NBAS: variants seen among roughly 807,000 people sequenced by gnomAD.
NBAS encodes NAG/BC035112 fusion.
In NBAS, 219 loss-of-function variants were observed where a neutral mutation model predicts 302.5. That is an observed-to-expected ratio of 0.72 (90% CI 0.65 to 0.81). NBAS has a LOEUF of 0.81. Ranked by LOEUF, NBAS falls within the 30% of genes least tolerant of loss-of-function variation. The pLI is 0.00. For synonymous variants in NBAS, 1,118 were observed against 1,021.6 expected (o/e 1.09, Z -1.80); for missense variants, 2,932 against 2,841.6 (o/e 1.03, Z -0.72).
In NBAS at chr2:15,399,270, T is replaced by C. The variant is rs77515174; in HGVS notation, c.3072-2795A>G. 6.7e-3 allele frequency among the ~76,000 whole-genome samples: 1,017 copies of C among 152,038 alleles called. 10 individuals are homozygous for C. The highest frequency in any genetic ancestry group is 0.022 in the African/African-American group (927 of 41,470). On this transcript the variant is annotated intron_variant, in intron 26 of 51. Coordinates refer to ENST00000281513, the MANE Select transcript of NBAS (RefSeq NM_015909.4). ...AGATATGAAGCTGACAGAGGAATCA[T>C]AAGGTTCCCACAGAGCCCAGCAAGG... is the stretch of plus-strand genomic sequence containing the variant.
chr2:15,472,587 CA>C (rs1376293874), intron 16 of NBAS, among the ~76,000 whole-genome samples: 10 of 152,164 alleles, frequency 6.6e-5, no homozygotes, highest in African/African-American at 2.4e-4. Context: ...TGGCCCCCCC[CA>C]GAAGCAGGCG....
chr2:15,052,861 T>A, the NBAS span, among the ~76,000 whole-genome samples: 2 of 152,188 alleles, frequency 1.3e-5, no homozygotes, highest in African/African-American at 4.8e-5. Flanking sequence ...GATGCAGGAA[T>A]CCTCAAAGTA....
chr2:15,215,188 C>T (rs1243198767), intron 48 of NBAS, among the ~76,000 whole-genome samples: 1 of 152,124 alleles, frequency 6.6e-6, no homozygotes, highest in Non-Finnish European at 1.5e-5. Context: ...CAAGCTGGGG[C>T]ATATTTCTGG....
chr2:15,356,161 C>A, intron 33 of NBAS, 142 bp downstream of exon 33: 1 of 713,886 alleles, frequency 1.4e-6, no homozygotes, highest in South Asian at 1.5e-5. Flanking sequence ...AGCCTATATA[C>A]TTACCAGTGC....
the NBAS span, among the ~76,000 whole-genome samples, chr2:14,881,743 TTA>T: frequency 6.6e-6 from 1 of 152,212 alleles, no homozygotes; most frequent in Non-Finnish European, 1.5e-5. Flanking sequence ...TATGCATTGT[TTA>T]TATGTGTGTT....
At chr2:15,301,196 G>A (rs928911706) in intron 40 of NBAS, among the ~76,000 whole-genome samples, 2 of 152,138 alleles carry the variant, frequency 1.3e-5, no homozygotes, top group African/African-American at 4.8e-5. Context: ...AGCGGTCGCT[G>A]TCCAAGTAAA....
At chr2:14,871,860 A>G in the NBAS span, among the ~76,000 whole-genome samples, 1 of 152,152 alleles carries the variant, frequency 6.6e-6, no homozygotes, top group African/African-American at 2.4e-5. Context: ...AGAAAACTAA[A>G]TAGAATGGTA....
At chr2:15,484,469 C>T (rs1423509595) in intron 12 of NBAS, among the ~76,000 whole-genome samples, 1 of 152,056 alleles carries the variant, frequency 6.6e-6, no homozygotes. Context: ...GAATGCTAAG[C>T]TTGTGGGAGT....
At chr2:14,965,289 A>T in the NBAS span, among the ~76,000 whole-genome samples, 3 of 152,124 alleles carry the variant, frequency 2.0e-5, no homozygotes, top group Non-Finnish European at 4.4e-5. Context: ...GACCCCCCCT[A>T]CCCAGACTGG....
chr2:14,779,541 G>C, the NBAS span, among the ~76,000 whole-genome samples: 1 of 152,070 alleles, frequency 6.6e-6, no homozygotes, highest in African/African-American at 2.4e-5. Context: ...CACCAGGCTG[G>C]CTCCCACCCC....
the NBAS span, among the ~76,000 whole-genome samples, chr2:14,852,882 A>T: frequency 2.3e-5 from 3 of 129,506 alleles, no homozygotes; most frequent in East Asian, 4.7e-4. Context: ...TAGAAAGCTG[A>T]AACTGGATCC....
chr2:14,782,331 C>T, the NBAS span, among the ~76,000 whole-genome samples: 363 of 152,200 alleles, frequency 2.4e-3, 3 homozygotes, highest in African/African-American at 7.7e-3. Context: ...AGAGGACATA[C>T]ATGTGGCCAA....
chr2:15,252,044 A>C (rs1407516305), intron 44 of NBAS, among the ~76,000 whole-genome samples: 7 of 152,222 alleles, frequency 4.6e-5, no homozygotes, highest in Admixed American at 4.6e-4. Context: ...CATCATCTTC[A>C]TGCCTTGGGA....
chr2:15,269,494 A>T (rs1669223520), intron 44 of NBAS, among the ~76,000 whole-genome samples: 1 of 152,212 alleles, frequency 6.6e-6, no homozygotes. Context: ...AACAACACAG[A>T]ATTTGTTGTC....
At chr2:14,782,863 A>G in the NBAS span, among the ~76,000 whole-genome samples, 1 of 152,188 alleles carries the variant, frequency 6.6e-6, no homozygotes, top group African/African-American at 2.4e-5. Flanking sequence ...AGAACAGAAA[A>G]CCAAATACCA....
At chr2:14,841,745 G>A in the NBAS span, among the ~76,000 whole-genome samples, 1 of 151,684 alleles carries the variant, frequency 6.6e-6, no homozygotes, top group African/African-American at 2.4e-5. Flanking sequence ...TAAGAGTAGT[G>A]GACTTCAACA....
chr2:15,257,621 G>A (rs1215502763), intron 44 of NBAS, among the ~76,000 whole-genome samples: 1 of 152,078 alleles, frequency 6.6e-6, no homozygotes, highest in Non-Finnish European at 1.5e-5. Flanking sequence ...TCAAACTCCT[G>A]ACCTCAGGTG....
chr2:15,059,980 A>C, the NBAS span, among the ~76,000 whole-genome samples: 32 of 120,156 alleles, frequency 2.7e-4, no homozygotes, highest in African/African-American at 6.9e-4. Context: ...AAAAAACAAA[A>C]AAAAAAACAC....
chr2:15,023,978 C>A, the NBAS span, among the ~76,000 whole-genome samples: 13 of 151,784 alleles, frequency 8.6e-5, no homozygotes, highest in Non-Finnish European at 1.8e-4. Context: ...AATATTTTAA[C>A]TTTTATTTTA....
Sources: allele counts gnomAD v4.1 joint callset (sites outside exome capture counted in the v4.1 genomes callset), GRCh38; gene constraint gnomAD v4.1.1; transcripts MANE v1.5; gene names NCBI Gene and HGNC (gene_info 2026-07-23, HGNC 2026-07-21).